LRFN2: variants seen among roughly 807,000 people sequenced by gnomAD.
LRFN2 encodes leucine-rich repeat and fibronectin type-III domain-containing protein 2.
In LRFN2, 18 loss-of-function variants were observed where a neutral mutation model predicts 37.3. That is an observed-to-expected ratio of 0.48 (90% CI 0.33 to 0.72). The LOEUF (loss-of-function observed/expected upper bound fraction) is 0.72. Ranked by LOEUF, LRFN2 falls within the 30% of genes least tolerant of loss-of-function variation. LRFN2 has a pLI of 0.02. For synonymous variants in LRFN2, 556 were observed against 466.6 expected (o/e 1.19, Z -2.47); for missense variants, 1,006 against 1,060.7 (o/e 0.95, Z 0.72).
intron 1 of LRFN2, among the ~76,000 whole-genome samples, chr6:40,548,422 C>T (rs1766703597): frequency 6.9e-6 from 1 of 144,168 alleles, no homozygotes; most frequent in Non-Finnish European, 1.6e-5. Flanking sequence ...GCTTGGGTGA[C>T]ACAACGAGAC....
chr6:40,559,003 A>G (rs534735730), intron 1 of LRFN2, among the ~76,000 whole-genome samples: 81 of 152,280 alleles, frequency 5.3e-4, no homozygotes, highest in Non-Finnish European at 9.8e-4. Flanking sequence ...AGGCAACCCC[A>G]GGTGTCCCAA....
At position 40,392,204 on chromosome 6, in the gene LRFN2, C is replaced by A. The variant is rs768433704; in HGVS notation, c.2109G>T (p.Ala703=). The change falls in exon 3 of 3, where the codon GCG becomes GCT. Residue 703 remains alanine, a synonymous_variant. Coordinates refer to ENST00000338305, the MANE Select transcript of LRFN2 (RefSeq NM_020737.3). This position sits in a 1 kb window ranked among gnomAD's most constrained non-coding sequence, Gnocchi z 4.7. ...AGGGGAGCAGGCTCCTGGCCCGGGC[C>A]GCAGGGGGCCCCAGCAGTGGCTCTC... ...SDREPLLGPP[A]ARARSLLPLP... 1.9e-6 allele frequency: 3 copies of A among 1,571,728 alleles called. No homozygotes were observed. Among genetic ancestry groups the A allele is most frequent in the Non-Finnish European group, 2.6e-6 (3 of 1,159,492 alleles).
intron 1 of LRFN2, among the ~76,000 whole-genome samples, chr6:40,572,253 T>C (rs78483269): frequency 0.039 from 5,875 of 152,252 alleles, 183 homozygotes; most frequent in Non-Finnish European, 0.058. Context: ...ATAAATTAGA[T>C]AATAAGTACA....
Position 40,580,165 on chromosome 6 carries a change from G to A in LRFN2, c.-19+6776C>T, listed in dbSNP as rs186077055. Among the ~76,000 whole-genome samples, 528 of 152,294 alleles carry A rather than the reference G, an allele frequency of 3.5e-3. 3 individuals carry two copies. The highest frequency in any genetic ancestry group is 0.012 in the African/African-American group (506 of 41,564). ...ATTTACCTCGACCCTAAGGACAGAG[G>A]CAGTCCACCCTTCTCCCACACCCTA... is the stretch of plus-strand genomic sequence containing the variant. On this transcript the variant is annotated intron_variant, in intron 1 of 2. Transcript: ENST00000338305.
chr6:40,566,720 A>T (rs1294689583), intron 1 of LRFN2, among the ~76,000 whole-genome samples: 1 of 149,070 alleles, frequency 6.7e-6, no homozygotes, highest in Non-Finnish European at 1.5e-5. Flanking sequence ...AACATCACAC[A>T]CTGGGGACTG....
intron 1 of LRFN2, among the ~76,000 whole-genome samples, chr6:40,546,239 G>A (rs751692019): frequency 6.6e-5 from 10 of 152,298 alleles, no homozygotes; most frequent in East Asian, 1.9e-4. Flanking sequence ...CCAGAGAAGC[G>A]GGGCCTTGAA....
At chr6:40,547,645 A>G (rs1186907275) in intron 1 of LRFN2, among the ~76,000 whole-genome samples, 1 of 152,150 alleles carries the variant, frequency 6.6e-6, no homozygotes, top group Admixed American at 6.5e-5. Flanking sequence ...AGGGGAGGTC[A>G]ACTGGGAAGA....
chr6:40,551,207 G>A (rs1041654532), intron 1 of LRFN2, among the ~76,000 whole-genome samples: 1 of 152,156 alleles, frequency 6.6e-6, no homozygotes, highest in African/African-American at 2.4e-5. Flanking sequence ...TAGGGGCAGG[G>A]ATTTACAGAA....
intron 1 of LRFN2, among the ~76,000 whole-genome samples, chr6:40,484,517 G>A (rs1764908061): frequency 6.6e-6 from 1 of 152,264 alleles, no homozygotes; most frequent in East Asian, 1.9e-4. Context: ...CTGATTCAGG[G>A]AGTCTGATGG....
intron 1 of LRFN2, among the ~76,000 whole-genome samples, chr6:40,497,008 A>T (rs545695993): frequency 1.3e-5 from 2 of 152,072 alleles, no homozygotes; most frequent in African/African-American, 4.8e-5. Flanking sequence ...GGGTGACTGG[A>T]TGTAATAGAG....
At chr6:40,473,495 G>A (rs1034107565) in intron 1 of LRFN2, among the ~76,000 whole-genome samples, 1 of 152,216 alleles carries the variant, frequency 6.6e-6, no homozygotes, top group African/African-American at 2.4e-5. Context: ...GACAAGGCAT[G>A]GTTCCCAGGG....
chr6:40,584,123 T>G (rs1328270501), intron 1 of LRFN2, among the ~76,000 whole-genome samples: 1 of 152,200 alleles, frequency 6.6e-6, no homozygotes, highest in Non-Finnish European at 1.5e-5. Context: ...TTATGTCTGA[T>G]GGCATCAAAC....
intron 1 of LRFN2, among the ~76,000 whole-genome samples, chr6:40,435,044 TATATATATAGAGAGAGAG>T (rs1195284830): frequency 1.0e-3 from 91 of 88,628 alleles, no homozygotes; most frequent in African/African-American, 4.2e-3. Context: ...TATATATATA[TATATATATAGAGAGAGAG>T]AGAGAGAGAG....
At chr6:40,402,943 G>A (rs896278859) in intron 2 of LRFN2, among the ~76,000 whole-genome samples, 3 of 152,208 alleles carry the variant, frequency 2.0e-5, no homozygotes, top group African/African-American at 7.2e-5. Flanking sequence ...AGGCAGGAAG[G>A]AGGTGCCAGT....
intron 1 of LRFN2, among the ~76,000 whole-genome samples, chr6:40,504,462 T>C (rs1397432330): frequency 6.6e-6 from 1 of 152,142 alleles, no homozygotes; most frequent in Admixed American, 6.5e-5. Flanking sequence ...GTAACCACTG[T>C]CATACTAAAG....
chr6:40,433,942 G>A (rs1763578717), intron 1 of LRFN2, among the ~76,000 whole-genome samples: 1 of 152,122 alleles, frequency 6.6e-6, no homozygotes, highest in Admixed American at 6.5e-5. Context: ...ACACAGACGA[G>A]GATTGATCAT....
intron 2 of LRFN2, among the ~76,000 whole-genome samples, chr6:40,397,775 T>G (rs566044465): frequency 6.8e-6 from 1 of 147,334 alleles, no homozygotes; most frequent in East Asian, 1.9e-4. Context: ...CCAGAGCTAA[T>G]AGCAGCCAAG....
chr6:40,563,053 G>A (rs1767028907), intron 1 of LRFN2, among the ~76,000 whole-genome samples: 1 of 152,192 alleles, frequency 6.6e-6, no homozygotes, highest in Admixed American at 6.5e-5. Flanking sequence ...CTTAAGTGCT[G>A]ACTGCCCATT....
chr6:40,449,303 C>A (rs755607240), intron 1 of LRFN2, among the ~76,000 whole-genome samples: 16 of 152,106 alleles, frequency 1.1e-4, no homozygotes, highest in Non-Finnish European at 2.1e-4. Flanking sequence ...AAATTTACAA[C>A]AAAATATACA....
Sources: allele counts gnomAD v4.1 joint callset (sites outside exome capture counted in the v4.1 genomes callset), GRCh38; gene constraint gnomAD v4.1.1; non-coding constraint Gnocchi (gnomAD v3.1); transcripts MANE v1.5; gene names NCBI Gene and HGNC (gene_info 2026-07-23, HGNC 2026-07-21).